Variants in CCDC171 observed in about 807,000 individuals in gnomAD.
CCDC171 encodes the protein coiled-coil domain-containing protein 171.
Under a neutral mutation model 168.2 loss-of-function variants are expected in CCDC171, and 177 were observed. The observed-to-expected ratio is 1.05, with a 90% CI of 0.93 to 1.19. CCDC171 has a LOEUF of 1.19. Ranked by LOEUF, CCDC171 falls within the 50% of genes most tolerant of loss-of-function variation. The pLI is 0.00. For synonymous variants in CCDC171, 687 were observed against 540.8 expected (o/e 1.27, Z -3.75); for missense variants, 1,991 against 1,539.0 (o/e 1.29, Z -4.91).
At position 15,716,050 on chromosome 9, in the gene CCDC171, A is replaced by C. The variant is rs537594984; in HGVS notation, c.1319-5719A>C. Among the ~76,000 whole-genome samples, 126 of 152,314 alleles carry C rather than the reference A, an allele frequency of 8.3e-4. No homozygotes were observed. In the South Asian group the frequency reaches 0.011, roughly 14 times the overall value. Reference sequence around the variant, plus strand: ...AAGTAACCCACATATTTGGGCACCCAGTGACCCAGTCAGGTTGACAAAAAA... The same window carrying C: ...AAGTAACCCACATATTTGGGCACCCCGTGACCCAGTCAGGTTGACAAAAAA... On this transcript the variant is annotated intron_variant, in intron 11 of 25. Transcript: ENST00000380701.
At chr9:15,700,232 T>A (rs962981579) in intron 11 of CCDC171, among the ~76,000 whole-genome samples, 5 of 152,206 alleles carry the variant, frequency 3.3e-5, no homozygotes, top group Non-Finnish European at 5.9e-5. Flanking sequence ...ACAGCGCCGG[T>A]GGGCTGGCAC....
the CCDC171 span, among the ~76,000 whole-genome samples, chr9:16,106,979 C>T: frequency 2.6e-5 from 4 of 152,138 alleles, no homozygotes; most frequent in Non-Finnish European, 5.9e-5. Flanking sequence ...CCCTAGCTCT[C>T]GCAGCACTGT....
the CCDC171 span, among the ~76,000 whole-genome samples, chr9:16,084,433 G>A: frequency 3.3e-5 from 5 of 152,114 alleles, no homozygotes; most frequent in Admixed American, 2.6e-4. Context: ...TGTCCTCTTT[G>A]TCTACCTCAT....
chr9:15,639,974 T>G (rs2046473252), intron 7 of CCDC171, among the ~76,000 whole-genome samples: 1 of 152,174 alleles, frequency 6.6e-6, no homozygotes, highest in Non-Finnish European at 1.5e-5. Flanking sequence ...TATAGATGTG[T>G]CAGGACTCGT....
In CCDC171 at chr9:15,949,583, C is replaced by G. The variant is rs149178345; in HGVS notation, c.3754-22026C>G. Among the ~76,000 whole-genome samples, 36 of 152,262 alleles carry G rather than the reference C, an allele frequency of 2.4e-4. No individual in the cohort carries two copies. In the East Asian group the frequency reaches 7.0e-3, roughly 29 times the overall value. On this transcript the variant is annotated intron_variant, in intron 25 of 25. Transcript: ENST00000380701. ...TTTGAAGCAATTGTGAATGGGAGTT[C>G]ACTCATGATTTGGATGTCTGTCTGT...
chr9:16,088,438 T>A, the CCDC171 span, among the ~76,000 whole-genome samples: 1 of 152,208 alleles, frequency 6.6e-6, no homozygotes, highest in African/African-American at 2.4e-5. Flanking sequence ...TTATCTCTGT[T>A]TGCAAATGAC....
chr9:16,105,603 C>G, the CCDC171 span, among the ~76,000 whole-genome samples: 1 of 152,186 alleles, frequency 6.6e-6, no homozygotes, highest in Non-Finnish European at 1.5e-5. Context: ...TCACGGGCCT[C>G]TCTGCAGACA....
intron 19 of CCDC171, among the ~76,000 whole-genome samples, chr9:15,778,042 A>G (rs1472667606): frequency 1.3e-5 from 2 of 152,142 alleles, no homozygotes; most frequent in Non-Finnish European, 2.9e-5. Flanking sequence ...TCACGCCTGT[A>G]ATCCCAGCAC....
intron 6 of CCDC171, among the ~76,000 whole-genome samples, chr9:15,612,888 T>A (rs1000402475): frequency 3.3e-5 from 5 of 152,180 alleles, no homozygotes; most frequent in Non-Finnish European, 7.4e-5. Context: ...ACTTCTGTAT[T>A]TCTTAACACT....
chr9:15,965,359 A>G (rs1830699121), intron 25 of CCDC171, among the ~76,000 whole-genome samples: 1 of 152,236 alleles, frequency 6.6e-6, no homozygotes, highest in African/African-American at 2.4e-5. Context: ...TAGATACAAA[A>G]TAAGCCTGAG....
At chr9:15,846,962 G>A (rs2060925014) in intron 22 of CCDC171, 115 bp downstream of exon 22, 1 of 813,154 alleles carries the variant, frequency 1.2e-6, no homozygotes, top group Non-Finnish European at 1.8e-6. Flanking sequence ...AAGTACAGCT[G>A]TCTTTCTTTG....
At chr9:15,820,090 A>G (rs1330319032) in intron 21 of CCDC171, among the ~76,000 whole-genome samples, 3 of 118,052 alleles carry the variant, frequency 2.5e-5, no homozygotes, top group East Asian at 2.1e-4. Context: ...CTGAATGACT[A>G]CTGGGTACAT....
At chr9:15,965,454 C>T (rs1450750650) in intron 25 of CCDC171, among the ~76,000 whole-genome samples, 1 of 152,158 alleles carries the variant, frequency 6.6e-6, no homozygotes, top group African/African-American at 2.4e-5. Context: ...AGATTCACAT[C>T]CCTTTCTACC....
intron 11 of CCDC171, among the ~76,000 whole-genome samples, chr9:15,713,911 G>C (rs1415884589): frequency 6.6e-6 from 1 of 151,068 alleles, no homozygotes; most frequent in Non-Finnish European, 1.5e-5. Context: ...TCTGTGGTAG[G>C]GCGGCAACAA....
chr9:15,718,383 C>G (rs991566474), intron 11 of CCDC171, among the ~76,000 whole-genome samples: 2 of 152,320 alleles, frequency 1.3e-5, no homozygotes. Flanking sequence ...CTGGATCTTC[C>G]CAGGACCTGG....
chr9:15,780,216 T>C (rs1230990309), intron 20 of CCDC171, among the ~76,000 whole-genome samples: 1 of 152,226 alleles, frequency 6.6e-6, no homozygotes, highest in Non-Finnish European at 1.5e-5. Context: ...CATGAATTAC[T>C]CTTAAGCCAT....
At chr9:15,910,708 C>G (rs919951968) in intron 24 of CCDC171, among the ~76,000 whole-genome samples, 1 of 152,038 alleles carries the variant, frequency 6.6e-6, no homozygotes, top group Non-Finnish European at 1.5e-5. Context: ...CCCCCCACCC[C>G]ACAACAGGCC....
chr9:15,949,376 G>A (rs1386455051), intron 25 of CCDC171, among the ~76,000 whole-genome samples: 1 of 152,164 alleles, frequency 6.6e-6, no homozygotes, highest in Non-Finnish European at 1.5e-5. Flanking sequence ...TTAGTAGCTT[G>A]ATGGGTATGG....
At position 15,944,825 on chromosome 9, in the gene CCDC171, TTTTCTTTCTTTTTTC is replaced by T. The variant is rs201600943; in HGVS notation, c.3753+24415_3753+24429del. 0.017 allele frequency among the ~76,000 whole-genome samples: 528 copies of T among 30,926 alleles called. 2 individuals carry two copies. In the East Asian group the frequency reaches 0.27, roughly 16 times the overall value. 20.3% of individuals were successfully genotyped at this position (30,926 alleles called of 152,430 possible). ...AGCATGGTAGTTGGGTTAGAATTCT[TTTTCTTTCTTTTTTC>T]TTTCTTTCTTTCTTTCTTTCTTTCT... On this transcript the variant is annotated intron_variant, in intron 25 of 25. Transcript: ENST00000380701.
Sources: allele counts gnomAD v4.1 joint callset (sites outside exome capture counted in the v4.1 genomes callset), GRCh38; gene constraint gnomAD v4.1.1; transcripts MANE v1.5; gene names NCBI Gene and HGNC (gene_info 2026-07-23, HGNC 2026-07-21).